The following PRTFDC1 variants were observed in gnomAD, a reference collection of about 807,000 sequenced individuals.
PRTFDC1 encodes phosphoribosyltransferase domain-containing protein 1.
PRTFDC1 carries 38 observed loss-of-function variants against 34.6 expected under a neutral mutation model. That is an observed-to-expected ratio of 1.10 (90% CI 0.85 to 1.44). PRTFDC1 has a LOEUF of 1.44. Among genes scored for constraint, PRTFDC1 ranks in the 40% most tolerant of loss-of-function variants. The pLI, the probability that PRTFDC1 is intolerant of heterozygous loss-of-function variation, is 0.00. For missense variants in PRTFDC1, 270 were observed against 283.0 expected, an observed-to-expected ratio of 0.95 and a Z score of 0.33; for synonymous variants, 93 against 98.1, an observed-to-expected ratio of 0.95 and a Z score of 0.31.
chr10:24,875,435 C>T (rs1431271884), intron 3 of PRTFDC1, among the ~76,000 whole-genome samples: 2 of 152,064 alleles, frequency 1.3e-5, no homozygotes, highest in South Asian at 2.1e-4. Context: ...TGGTAAGCAC[C>T]ATTCTATTCT....
chr10:24,917,344 T>C (rs538959752), intron 3 of PRTFDC1, among the ~76,000 whole-genome samples: 2 of 152,254 alleles, frequency 1.3e-5, no homozygotes, highest in African/African-American at 2.4e-5. Flanking sequence ...GGGATGGTTG[T>C]TGGATAGAAA....
At chr10:24,905,447 G>A (rs1028671255) in intron 3 of PRTFDC1, among the ~76,000 whole-genome samples, 5 of 150,610 alleles carry the variant, frequency 3.3e-5, no homozygotes, top group Admixed American at 6.6e-5. Flanking sequence ...TCAGTCTCCC[G>A]AGTAGCTGGG....
intron 4 of PRTFDC1, among the ~76,000 whole-genome samples, chr10:24,862,688 T>C (rs1847702182): frequency 6.6e-6 from 1 of 152,104 alleles, no homozygotes; most frequent in Non-Finnish European, 1.5e-5. Context: ...TGTTTTTGTT[T>C]CTGTTTTACA....
intron 3 of PRTFDC1, among the ~76,000 whole-genome samples, chr10:24,896,656 G>A (rs149873854): frequency 2.0e-5 from 3 of 152,284 alleles, no homozygotes; most frequent in East Asian, 1.9e-4. Flanking sequence ...TATGTCACTC[G>A]GTCTGTTGTG....
intron 3 of PRTFDC1, among the ~76,000 whole-genome samples, chr10:24,928,127 T>G (rs1434437933): frequency 6.6e-6 from 1 of 152,194 alleles, no homozygotes; most frequent in Non-Finnish European, 1.5e-5. Flanking sequence ...AAAGTAACAA[T>G]CTATGATGCC....
intron 3 of PRTFDC1, among the ~76,000 whole-genome samples, chr10:24,907,374 C>A (rs1848553353): frequency 6.6e-6 from 1 of 152,104 alleles, no homozygotes; most frequent in Non-Finnish European, 1.5e-5. Flanking sequence ...GCGGGTGGAT[C>A]ACTTGAGGTC....
chr10:24,854,249 C>G (rs1160926916), intron 7 of PRTFDC1, among the ~76,000 whole-genome samples: 2 of 152,170 alleles, frequency 1.3e-5, no homozygotes, highest in African/African-American at 4.8e-5. Flanking sequence ...TTTCCTTAGA[C>G]AATTTCTGCT....
chr10:24,932,804 CAAAG>C (rs1848990718), intron 3 of PRTFDC1, among the ~76,000 whole-genome samples: 1 of 151,872 alleles, frequency 6.6e-6, no homozygotes, highest in Non-Finnish European at 1.5e-5. Context: ...TATGGAAAGA[CAAAG>C]AACAAGAATA....
At chr10:24,893,457 G>GT (rs150882893) in intron 3 of PRTFDC1, among the ~76,000 whole-genome samples, 18,060 of 151,894 alleles carry the variant, frequency 0.12, 1,108 homozygotes, top group Middle Eastern at 0.2. Context: ...ACCAGTTAGT[G>GT]TTTTTTTGTT....
At chr10:24,912,090 G>A (rs1357948420) in intron 3 of PRTFDC1, among the ~76,000 whole-genome samples, 10 of 151,532 alleles carry the variant, frequency 6.6e-5, no homozygotes, top group East Asian at 3.9e-4. Context: ...CCAACAAGGC[G>A]AAACCCTGTC....
At position 24,952,028 on chromosome 10, in the gene PRTFDC1, C is replaced by A. The variant is rs185939226; in HGVS notation, c.48+500G>T. Among the ~76,000 whole-genome samples the A allele has an allele frequency of 1.6e-3, 243 of 152,354 alleles. No homozygotes were observed. The highest frequency in any genetic ancestry group is 5.0e-3 in the African/African-American group (208 of 41,586). ...GCCAGAGAGCCCCCAACCTGGGTACCAAAGGCTTCAAATCTCAAGCTCTGT... is the reference window on the plus strand; with the variant it reads ...GCCAGAGAGCCCCCAACCTGGGTACAAAAGGCTTCAAATCTCAAGCTCTGT... On this transcript the variant is annotated intron_variant, in intron 1 of 8. Transcript: ENST00000320152. The surrounding 1 kb of genome is among the most constrained non-coding windows in gnomAD (Gnocchi z 5.1).
At chr10:24,939,810 A>AAAAAAG (rs1564319680) in intron 2 of PRTFDC1, among the ~76,000 whole-genome samples, 14 of 149,954 alleles carry the variant, frequency 9.3e-5, no homozygotes, top group African/African-American at 3.2e-4. Context: ...AAAAAAAAAA[A>AAAAAAG]AAAAAGAAAA....
At chr10:24,879,528 T>C (rs1014950355) in intron 3 of PRTFDC1, among the ~76,000 whole-genome samples, 2 of 151,458 alleles carry the variant, frequency 1.3e-5, no homozygotes, top group Non-Finnish European at 2.9e-5. Context: ...GTATTTTTAG[T>C]AGAGAGATAG....
intron 3 of PRTFDC1, among the ~76,000 whole-genome samples, chr10:24,902,497 G>A (rs987814170): frequency 6.6e-6 from 1 of 152,202 alleles, no homozygotes; most frequent in Non-Finnish European, 1.5e-5. Context: ...GTCAACTTCT[G>A]TCCAAGATCT....
At chr10:24,856,800 A>G in intron 6 of PRTFDC1, 113 bp downstream of exon 6, 1 of 954,548 alleles carries the variant, frequency 1.0e-6, no homozygotes, top group African/African-American at 1.6e-5. Context: ...CCAGGGGAAA[A>G]GGTCACTAGT....
Position 24,856,907 on chromosome 10 carries a change from A to G in PRTFDC1, c.506+6T>C, listed in dbSNP as rs576946498. ...GAAATCACCATGCTATGAATGTCCA[A>G]CTCACCTGGCTACCTTAATCATGTT... On this transcript the variant is annotated splice_donor_region_variant and intron_variant, in intron 6 of 8. Transcript: ENST00000320152. 5.0e-6 allele frequency: 8 copies of G among 1,603,706 alleles called. No individual in the cohort carries two copies. The South Asian group carries it at 7.7e-5, about 15-fold the overall frequency.
At chr10:24,928,684 T>C (rs1848919471) in intron 3 of PRTFDC1, among the ~76,000 whole-genome samples, 1 of 151,982 alleles carries the variant, frequency 6.6e-6, no homozygotes, top group Non-Finnish European at 1.5e-5. Context: ...CCTCAGGTAA[T>C]TGGCCCATCT....
At chr10:24,885,553 G>C (rs1848151521) in intron 3 of PRTFDC1, among the ~76,000 whole-genome samples, 1 of 152,118 alleles carries the variant, frequency 6.6e-6, no homozygotes, top group Non-Finnish European at 1.5e-5. Context: ...TTACAGATGT[G>C]CGCCATCATG....
At chr10:24,929,945 T>C (rs1245072098) in intron 3 of PRTFDC1, among the ~76,000 whole-genome samples, 1 of 152,080 alleles carries the variant, frequency 6.6e-6, no homozygotes, top group Non-Finnish European at 1.5e-5. Context: ...CCTAGCTGTT[T>C]GGGAAGTTGA....
Sources: gnomAD v4.1 joint callset for allele counts (sites outside exome capture counted in the v4.1 genomes callset) on GRCh38, gnomAD v4.1.1 for gene constraint, Gnocchi (gnomAD v3.1) non-coding constraint, MANE v1.5 for transcripts, NCBI Gene and HGNC (gene_info 2026-07-23, HGNC 2026-07-21) for gene names.